The following FRAS1 variants were observed in gnomAD, a reference collection of about 807,000 sequenced individuals.
The protein encoded by FRAS1 is Fraser extracellular matrix complex subunit 1.
Under a neutral mutation model 435.2 loss-of-function variants are expected in FRAS1, and 290 were observed. The observed-to-expected ratio is 0.67, with a 90% confidence interval of 0.61 to 0.73. The LOEUF is 0.73. Ranked by LOEUF, FRAS1 falls within the 30% of genes least tolerant of loss-of-function variation. The probability of loss-of-function intolerance (pLI) is 0.00; values close to 1 mark genes in which losing one functional copy is unlikely to be tolerated. For missense variants in FRAS1, 4,860 were observed against 5,001.5 expected (o/e 0.97, Z 0.85); for synonymous variants, 1,800 against 1,851.0 (o/e 0.97, Z 0.71).
chr4:78,356,371 G>C (rs542105245), intron 20 of FRAS1, among the ~76,000 whole-genome samples: 1 of 152,008 alleles, frequency 6.6e-6, no homozygotes, highest in South Asian at 2.1e-4. Flanking sequence ...AACTGTGTGG[G>C]AGCTACCTAC....
chr4:78,190,613 C>CCCCTTCCCTTCCCTTCCATT (rs375236126), intron 2 of FRAS1, among the ~76,000 whole-genome samples: 1 of 150,808 alleles, frequency 6.6e-6, no homozygotes, highest in Non-Finnish European at 1.5e-5. Context: ...CCCCACCACA[C>CCCCTTCCCTTCCCTTCCATT]CCCTTCCCTT....
rs577258211 is a variant in FRAS1 at position 78,403,152 on chromosome 4, T to G, written c.4129+2265T>G. Among the ~76,000 whole-genome samples, 3 of 152,314 alleles carry G rather than the reference T, an allele frequency of 2.0e-5. No homozygotes were observed. The South Asian group carries it at 6.2e-4, about 32-fold the overall frequency. On this transcript the variant is annotated intron_variant, in intron 30 of 73. Coordinates refer to ENST00000512123, the MANE Select transcript of FRAS1 (RefSeq NM_025074.7). ...TTCATCTCTAAAAATCTATGACTCT[T>G]TTGATGTATTAAATTCTCTACCTTT...
chr4:78,531,677 CAG>C (rs1201453901), intron 70 of FRAS1, among the ~76,000 whole-genome samples: 1 of 152,124 alleles, frequency 6.6e-6, no homozygotes, highest in African/African-American at 2.4e-5. Context: ...AGTGAGGAAA[CAG>C]AAGAAATCAG....
In FRAS1 at chr4:78,152,291, C is replaced by G. The variant is rs138246142; in HGVS notation, c.109-85219C>G. Among the ~76,000 whole-genome samples, 354 of 152,196 alleles carry G rather than the reference C, an allele frequency of 2.3e-3. 2 individuals are homozygous for G. Among genetic ancestry groups the G allele is most frequent in the African/African-American group, 8.3e-3 (346 of 41,536 alleles). On this transcript the variant is annotated intron_variant, in intron 2 of 73. Transcript: ENST00000512123. ...GAAAGGCAGGGTGTGTCTTAAGGCA[C>G]TTTTCCTGCCCTGTTTACAGGAAAG...
At chr4:78,521,682 C>A in intron 68 of FRAS1, 52 bp downstream of exon 68, 1 of 1,111,468 alleles carries the variant, frequency 9.0e-7, no homozygotes, top group Non-Finnish European at 1.4e-6. Context: ...AAACATTTCA[C>A]ACATACAGAA....
At chr4:78,434,812 G>A (rs933826669) in intron 38 of FRAS1, among the ~76,000 whole-genome samples, 76 of 152,086 alleles carry the variant, frequency 5.0e-4, no homozygotes, top group African/African-American at 1.7e-3. Flanking sequence ...CATGTCCCCT[G>A]GTCTAAATCT....
chr4:78,201,122 A>T (rs1236355184), intron 2 of FRAS1, among the ~76,000 whole-genome samples: 1 of 151,850 alleles, frequency 6.6e-6, no homozygotes, highest in Admixed American at 6.6e-5. Context: ...TGTGGCTTTT[A>T]TTATTTGCCT....
intron 2 of FRAS1, among the ~76,000 whole-genome samples, chr4:78,080,144 T>C (rs1249273446): frequency 6.6e-6 from 1 of 152,110 alleles, no homozygotes; most frequent in African/African-American, 2.4e-5. Context: ...ACTCACTTGT[T>C]TGGAACACAG....
intron 31 of FRAS1, among the ~76,000 whole-genome samples, chr4:78,408,910 G>A (rs1733208858): frequency 6.6e-6 from 1 of 152,034 alleles, no homozygotes; most frequent in Non-Finnish European, 1.5e-5. Context: ...GATTGCGTCA[G>A]TCCAGGAGTT....
In FRAS1 at chr4:78,429,107, A is replaced by G. The variant is rs1734112278; in HGVS notation, c.4724A>G (p.Glu1575Gly). 5 of 1,555,278 alleles carry G rather than the reference A, an allele frequency of 3.2e-6. No individual in the cohort carries two copies. Among genetic ancestry groups the G allele is most frequent in the Non-Finnish European group, 8.7e-7 (1 of 1,149,154 alleles). The change falls in exon 36 of 74, where the codon GAA becomes GGA. Residue 1575 changes from glutamate (E) to glycine (G), a missense_variant. By Grantham distance (98) the Glu-to-Gly change is moderately conservative. Transcript: ENST00000512123. ...VKFHFTVSDG[E>G]HTSPEMVLTI... ...TTATCCTTTTTAGTTTCAGATGGAG[A>G]ACACACAAGTCCGGAGATGGTCCTC...
intron 47 of FRAS1, among the ~76,000 whole-genome samples, chr4:78,459,197 G>T (rs1719293302): frequency 6.6e-6 from 1 of 152,180 alleles, no homozygotes; most frequent in Non-Finnish European, 1.5e-5. Flanking sequence ...TACAGGCTGA[G>T]TTGTAATTAC....
chr4:78,173,860 A>G (rs1203967117), intron 2 of FRAS1, among the ~76,000 whole-genome samples: 1 of 152,242 alleles, frequency 6.6e-6, no homozygotes, highest in African/African-American at 2.4e-5. Flanking sequence ...GGTAAAAATG[A>G]CAAGGCTGGT....
intron 18 of FRAS1, among the ~76,000 whole-genome samples, chr4:78,329,042 A>G (rs962895387): frequency 6.6e-6 from 1 of 152,126 alleles, no homozygotes; most frequent in African/African-American, 2.4e-5. Flanking sequence ...GGGAAGGAAA[A>G]ACTATTCTGA....
chr4:78,536,997 C>A lies in FRAS1; in HGVS notation c.11095C>A (p.Gln3699Lys). ...MDYKGAFSKG[Q>K]ILYGRVLWNP... Reference sequence around the variant, plus strand: ...TTAATACCTTTCAATCTTTTCAGGTCAAATCCTTTATGGCCGAGTACTTTG... The same window carrying A: ...TTAATACCTTTCAATCTTTTCAGGTAAAATCCTTTATGGCCGAGTACTTTG... The change falls in exon 72 of 74, where the codon CAA becomes AAA. Residue 3699 changes from glutamine to lysine, a missense_variant and splice_region_variant. Gln to Lys is a moderately conservative substitution (Grantham distance 53). Transcript: ENST00000512123. The A allele has an allele frequency of 6.2e-7, 1 of 1,613,426 alleles. No homozygotes were observed. Among genetic ancestry groups the A allele is most frequent in the South Asian group, 1.1e-5 (1 of 90,996 alleles).
intron 2 of FRAS1, among the ~76,000 whole-genome samples, chr4:78,084,740 G>A (rs1016165451): frequency 1.3e-5 from 2 of 151,992 alleles, no homozygotes; most frequent in African/African-American, 4.8e-5. Flanking sequence ...AATGAGCTCT[G>A]GTTCCTGGAA....
At chr4:78,482,052 C>A (rs1478279266) in intron 57 of FRAS1, 88 bp downstream of exon 57, 21 of 1,314,582 alleles carry the variant, frequency 1.6e-5, no homozygotes, top group Non-Finnish European at 2.1e-5. Flanking sequence ...TCTCTAAACT[C>A]CCCTGGCGAT....
At chr4:78,257,759 A>C (rs974812179) in intron 6 of FRAS1, among the ~76,000 whole-genome samples, 2 of 152,212 alleles carry the variant, frequency 1.3e-5, no homozygotes, top group African/African-American at 4.8e-5. Flanking sequence ...TCACATTTTA[A>C]AAATTGGTGA....
chr4:78,460,870 T>C (rs573955218), intron 47 of FRAS1, among the ~76,000 whole-genome samples: 11 of 152,344 alleles, frequency 7.2e-5, no homozygotes, highest in African/African-American at 2.4e-4. Flanking sequence ...TGTCATTATG[T>C]GACGCATGAC....
chr4:78,413,041 C>A lies in FRAS1; in HGVS notation c.4381C>A (p.Pro1461Thr). 1 of 1,611,748 alleles carries A rather than the reference C, an allele frequency of 6.2e-7. No homozygotes were observed. Among genetic ancestry groups the A allele is most frequent in the African/African-American group, 1.3e-5 (1 of 74,892 alleles). The change falls in exon 32 of 74, where the codon CCT (proline) becomes ACT (threonine). Residue 1461 changes from proline to threonine, a missense_variant. Pro to Thr is a conservative substitution (Grantham distance 38). Coordinates refer to ENST00000512123, the MANE Select transcript of FRAS1 (RefSeq NM_025074.7). ...CAACATCGCGATCTTACCACAGACA[C>A]CTGAAGCACCTAAAGTGTCTCTGGA... ...MFNIAILPQT[P>T]EAPKVSLEAS...
Sources: gnomAD v4.1 joint callset for allele counts (sites outside exome capture counted in the v4.1 genomes callset) on GRCh38, gnomAD v4.1.1 for gene constraint, MANE v1.5 for transcripts, NCBI Gene and HGNC (gene_info 2026-07-23, HGNC 2026-07-21) for gene names.